BTAF1: variants seen among roughly 807,000 people sequenced by gnomAD.
The protein encoded by BTAF1 is B-TFIID TATA-box binding protein associated factor 1, also known as TATA-binding protein-associated factor 172.
In BTAF1, 38 loss-of-function variants were observed where a neutral mutation model predicts 227.1. The observed-to-expected ratio is 0.17, with a 90% CI of 0.13 to 0.22. The LOEUF is 0.22. Among genes scored for constraint, BTAF1 ranks in the 10% least tolerant of loss-of-function variants. The pLI, the probability that BTAF1 is intolerant of heterozygous loss-of-function variation, is 1.00. For missense variants in BTAF1, 1,598 were observed against 2,204.0 expected, an observed-to-expected ratio of 0.73 and a Z score of 5.51; for synonymous variants, 742 against 751.9, an observed-to-expected ratio of 0.99 and a Z score of 0.21.
intron 14 of BTAF1, among the ~76,000 whole-genome samples, chr10:91,970,203 A>G (rs1847191706): frequency 6.6e-6 from 1 of 151,498 alleles, no homozygotes; most frequent in Non-Finnish European, 1.5e-5. Flanking sequence ...CCAGAATGCC[A>G]TTGTCTTTGT....
Position 91,951,423 on chromosome 10 carries a change from A to G in BTAF1, c.421A>G (p.Arg141Gly), listed in dbSNP as rs1460165806. ...GAAAGGTGAAGTGGATCCTAAAGAG[A>G]GGATAGCACGCCAACGAAAATTATT... ...EKSGEVDPKE[R>G]IARQRKLLQK... The change falls in exon 5 of 38, where the codon AGG becomes GGG. Residue 141 changes from arginine (R) to glycine (G), a missense_variant. Around this residue, in one of 10 missense-constraint regions of BTAF1, gnomAD observed 298 missense variants for 395.2 expected, o/e 0.75. Coordinates refer to ENST00000265990, the MANE Select transcript of BTAF1 (RefSeq NM_003972.3). The G allele has an allele frequency of 6.2e-7, 1 of 1,610,738 alleles. No homozygotes were observed. Among genetic ancestry groups the G allele is most frequent in the Non-Finnish European group, 8.5e-7 (1 of 1,179,136 alleles).
intron 13 of BTAF1, among the ~76,000 whole-genome samples, chr10:91,964,776 A>T (rs1027168626): frequency 6.6e-6 from 1 of 152,168 alleles, no homozygotes; most frequent in African/African-American, 2.4e-5. Context: ...TATGAATCTC[A>T]GCTCAGCGAA....
intron 34 of BTAF1, 21 bp from the exon 35 acceptor site, chr10:92,024,735 T>TTTTTGTTG (rs774391498): frequency 4.5e-6 from 7 of 1,564,060 alleles, no homozygotes; most frequent in Middle Eastern, 2.1e-4. Context: ...TTATGTAGTT[T>TTTTTGTTG]TTTTTTTTTT....
rs1367811377 is a variant in BTAF1, at chr10:92,012,586, T to C, written c.4312-1081T>C. 2.0e-5 allele frequency among the ~76,000 whole-genome samples: 3 copies of C among 150,654 alleles called. 1 individual carries two copies. The highest frequency in any genetic ancestry group is 7.3e-5 in the African/African-American group (3 of 41,048). ...AGGAGTTTGAGACCAGCCTGGCCAG[T>C]GTGGCAAAACCCCATCTCTACTAAA... On this transcript the variant is annotated intron_variant, in intron 30 of 37. Transcript: ENST00000265990.
intron 20 of BTAF1, among the ~76,000 whole-genome samples, chr10:91,990,749 C>G (rs1418791349): frequency 1.3e-5 from 2 of 151,724 alleles, no homozygotes; most frequent in African/African-American, 4.8e-5. Flanking sequence ...GCTGAGATCG[C>G]GCCATTGTAT....
At chr10:92,000,638 A>G (rs1849456911) in intron 25 of BTAF1, among the ~76,000 whole-genome samples, 1 of 152,080 alleles carries the variant, frequency 6.6e-6, no homozygotes, top group Non-Finnish European at 1.5e-5. Context: ...GGCTCCTGCA[A>G]CCTTTGCCTC....
chr10:91,992,152 C>T lies in BTAF1; in HGVS notation c.2888C>T (p.Thr963Ile). The T allele has an allele frequency of 1.2e-6, 2 of 1,605,800 alleles. No homozygotes were observed. Among genetic ancestry groups the T allele is most frequent in the Non-Finnish European group, 1.7e-6 (2 of 1,176,968 alleles). ...TCAGAAAAAGATGGAATGCACCATACTGTCACCAAGCACAGAGGTATAATT... is the reference window on the plus strand; with the variant it reads ...TCAGAAAAAGATGGAATGCACCATATTGTCACCAAGCACAGAGGTATAATT... ...STSEKDGMHH[T>I]VTKHRGIITL... Residue 963 changes from threonine (T) to isoleucine (I), a missense_variant, in exon 21 of 38, where the codon ACT (threonine) becomes ATT (isoleucine). This residue lies in a region of BTAF1 where 425 missense variants were observed against 491.2 expected (regional missense o/e 0.87). Coordinates refer to ENST00000265990, the MANE Select transcript of BTAF1 (RefSeq NM_003972.3).
intron 1 of BTAF1, among the ~76,000 whole-genome samples, chr10:91,925,516 C>CTTTTT (rs6144026): frequency 9.6e-5 from 11 of 114,600 alleles, no homozygotes; most frequent in South Asian, 3.0e-4. Context: ...ACGCTAATCT[C>CTTTTT]TTTTTTTTTT....
rs1378901799 is a variant in BTAF1, at chr10:92,030,333, A to G, written c.*1400A>G. 6.6e-6 allele frequency: 1 copy of G among 152,604 alleles called. No homozygotes were observed. Among genetic ancestry groups the G allele is most frequent in the African/African-American group, 2.4e-5 (1 of 41,468 alleles). 9.5% of individuals were successfully genotyped at this position (152,604 alleles called of 1,614,324 possible). A position where few individuals can be genotyped will look rare whatever the true frequency, so the allele number is the denominator to read the frequency against. On this transcript the variant is annotated 3_prime_UTR_variant, in exon 38 of 38. Transcript: ENST00000265990. ...AAGATTGAAACTGTAAAATATATGC[A>G]ACTGTGTGTTATTTGTAGGAAATGG...
rs1222403849 is a variant in BTAF1 at position 91,953,621 on chromosome 10, ATG to A, written c.565-113_565-112del. 4.4e-6 allele frequency: 5 copies of A among 1,124,720 alleles called. No homozygotes were observed. The African/African-American group carries it at 4.7e-5, about 11-fold the overall frequency. 69.7% of individuals were successfully genotyped at this position (1,124,720 alleles called of 1,614,324 possible). On this transcript the variant is annotated intron_variant, in intron 5 of 37. Coordinates refer to ENST00000265990, the MANE Select transcript of BTAF1 (RefSeq NM_003972.3). The stretch of plus-strand genomic sequence containing the variant: ...AAGAGTGTGAACCTGTCAAAAAAGA[ATG>A]TGATCGATGTATATATACTGAAATT...
chr10:91,959,641 G>T (rs953661145), intron 9 of BTAF1, 144 bp from the exon 10 acceptor site: 3 of 312,586 alleles, frequency 9.6e-6, no homozygotes, highest in Admixed American at 5.2e-5. Context: ...TTTTATTTTT[G>T]ATTTTGGACC....
At chr10:91,936,591 T>G (rs1175949922) in intron 2 of BTAF1, among the ~76,000 whole-genome samples, 1 of 152,194 alleles carries the variant, frequency 6.6e-6, no homozygotes, top group Non-Finnish European at 1.5e-5. Context: ...TGACTCTCTT[T>G]CCAACATAAT....
intron 33 of BTAF1, among the ~76,000 whole-genome samples, chr10:92,018,367 C>T (rs1372592617): frequency 6.6e-6 from 1 of 152,210 alleles, no homozygotes; most frequent in Admixed American, 6.5e-5. Flanking sequence ...AGGGGTGAGG[C>T]ACCATGCCCG....
Position 92,016,450 on chromosome 10 carries a change from A to T in BTAF1, c.4695A>T (p.Thr1565=), listed in dbSNP as rs1378583275. 6.4e-6 allele frequency: 10 copies of T among 1,570,314 alleles called. No individual in the cohort carries two copies. Among genetic ancestry groups the T allele is most frequent in the South Asian group, 1.2e-5 (1 of 81,382 alleles). ...CTGAAAAACCAAAGCTTAAAGCTAC[A>T]GGCCACGTATTCCAGGTATAGATTA... The part of the protein sequence containing the change: ...EETEKPKLKA[T]GHVFQALQYL... Residue 1565 remains threonine, a synonymous_variant, in exon 33 of 38, where the codon ACA becomes ACT. Coordinates refer to ENST00000265990, the MANE Select transcript of BTAF1 (RefSeq NM_003972.3).
chr10:91,970,026 A>G (rs1847181614), intron 14 of BTAF1, among the ~76,000 whole-genome samples: 1 of 150,468 alleles, frequency 6.6e-6, no homozygotes, highest in Non-Finnish European at 1.5e-5. Context: ...TTGGCTTTTA[A>G]AATTTCCTGG....
intron 20 of BTAF1, among the ~76,000 whole-genome samples, chr10:91,990,938 C>T (rs1430017951): frequency 6.6e-6 from 1 of 151,348 alleles, no homozygotes. Flanking sequence ...GAAACCCCAT[C>T]TCTACTAAAA....
intron 19 of BTAF1, among the ~76,000 whole-genome samples, chr10:91,986,942 G>T (rs1397049631): frequency 2.0e-5 from 3 of 151,716 alleles, no homozygotes; most frequent in Non-Finnish European, 4.4e-5. Flanking sequence ...CCTGTTACCT[G>T]CCAAATATAG....
intron 36 of BTAF1, among the ~76,000 whole-genome samples, 161 bp downstream of exon 36, chr10:92,026,912 C>G (rs1046441829): frequency 6.6e-6 from 1 of 152,158 alleles, no homozygotes; most frequent in Non-Finnish European, 1.5e-5. Context: ...CTTCCTCATG[C>G]ATTAAATGAG....
chr10:91,966,038 A>G lies in BTAF1; in HGVS notation c.1530-599A>G, dbSNP rs567500701. 3.3e-5 allele frequency among the ~76,000 whole-genome samples: 5 copies of G among 152,352 alleles called. No individual in the cohort carries two copies. In the East Asian group the frequency reaches 9.6e-4, roughly 29 times the overall value. On this transcript the variant is annotated intron_variant, in intron 13 of 37. Coordinates refer to ENST00000265990, the MANE Select transcript of BTAF1 (RefSeq NM_003972.3). ...AATGTGACAGGAATCCTGTGGCCCA[A>G]GTTAGTCTAGACTTGGCTTTGTTTG...
Sources: allele counts gnomAD v4.1 joint callset (sites outside exome capture counted in the v4.1 genomes callset), GRCh38; gene constraint gnomAD v4.1.1; regional missense constraint gnomAD v4.1.1; transcripts MANE v1.5; gene names NCBI Gene and HGNC (gene_info 2026-07-23, HGNC 2026-07-21).